LRRC1: variants seen among roughly 807,000 people sequenced by gnomAD.
The protein encoded by LRRC1 is leucine rich repeat containing 1.
Under a neutral mutation model 69.9 loss-of-function variants are expected in LRRC1, and 28 were observed. That is an observed-to-expected ratio of 0.40 (90% confidence interval 0.30 to 0.55). The LOEUF (loss-of-function observed/expected upper bound fraction) is 0.55, where lower values mean the gene tolerates loss of function less well. Ranked by LOEUF, LRRC1 falls within the 20% of genes least tolerant of loss-of-function variation. The pLI, the probability that LRRC1 is intolerant of heterozygous loss-of-function variation, is 0.47. For synonymous variants in LRRC1, 236 were observed against 240.2 expected, an observed-to-expected ratio of 0.98 and a Z score of 0.16; for missense variants, 498 against 609.0, an observed-to-expected ratio of 0.82 and a Z score of 1.92.
At chr6:53,829,150 T>G (rs2127411721) in intron 1 of LRRC1, among the ~76,000 whole-genome samples, 1 of 152,310 alleles carries the variant, frequency 6.6e-6, no homozygotes, top group Non-Finnish European at 1.5e-5. Context: ...CCTTGCTCTT[T>G]ATAGTAGACA....
At chr6:53,913,732 G>A (rs935518144) in intron 10 of LRRC1, 122 bp from the exon 11 acceptor site, 12 of 496,348 alleles carry the variant, frequency 2.4e-5, no homozygotes, top group South Asian at 1.5e-4. Context: ...CAGTGAGACC[G>A]GTGAGTTATG....
intron 4 of LRRC1, chr6:53,884,002 G>A (rs1278856427): frequency 9.8e-6 from 7 of 717,766 alleles, no homozygotes; most frequent in Non-Finnish European, 1.8e-5. Flanking sequence ...GTGTTTTTCT[G>A]AAATGTACAC....
In LRRC1 at chr6:53,904,434, G is replaced by C; in HGVS notation, c.962G>C (p.Arg321Thr). The change falls in exon 10 of 14, where the codon AGA (arginine) becomes ACA (threonine). Residue 321 changes from arginine (R) to threonine (T), a missense_variant. Coordinates refer to ENST00000370888, the MANE Select transcript of LRRC1 (RefSeq NM_018214.5). ...AAGTTGAGCAACTTGAATGCAGACA[G>C]AAATAAATTAGTGTCCTTACCAAAA... Reference protein sequence around the residue: ...LKKLSNLNADRNKLVSLPKEI... With the variant: ...LKKLSNLNADTNKLVSLPKEI... The C allele has an allele frequency of 6.2e-7, 1 of 1,611,488 alleles. No homozygotes were observed. Among genetic ancestry groups the C allele is most frequent in the Non-Finnish European group, 8.5e-7 (1 of 1,178,528 alleles).
Position 53,795,019 on chromosome 6 carries a change from G to T in LRRC1, c.-238G>T. The T allele has an allele frequency of 2.7e-6, 1 of 368,330 alleles. No individual in the cohort carries two copies. Among genetic ancestry groups the T allele is most frequent in the Non-Finnish European group, 4.9e-6 (1 of 206,086 alleles). The allele number at this position is 368,330 out of a possible 1,614,324, so 22.8% of individuals were successfully genotyped here. Reference sequence around the variant, plus strand: ...GCGGCGGGGGCGGCGACGGCGACTGGCGGGTGGGAGTGGAGGCACCGGCTG... The same window carrying T: ...GCGGCGGGGGCGGCGACGGCGACTGTCGGGTGGGAGTGGAGGCACCGGCTG... On this transcript the variant is annotated 5_prime_UTR_variant, in exon 1 of 14. Transcript: ENST00000370888.
intron 4 of LRRC1, among the ~76,000 whole-genome samples, chr6:53,886,771 A>T (rs1247170002): frequency 1.3e-5 from 2 of 152,170 alleles, no homozygotes; most frequent in Non-Finnish European, 2.9e-5. Context: ...TTCCCCAATG[A>T]TTGACAGGTG....
At chr6:53,810,463 A>G (rs1764758928) in intron 1 of LRRC1, among the ~76,000 whole-genome samples, 1 of 152,140 alleles carries the variant, frequency 6.6e-6, no homozygotes, top group Non-Finnish European at 1.5e-5. Flanking sequence ...TACTAAAAAT[A>G]CAAAAAATTA....
At chr6:53,914,578 G>A (rs530117721) in intron 11 of LRRC1, among the ~76,000 whole-genome samples, 1 of 152,324 alleles carries the variant, frequency 6.6e-6, no homozygotes, top group East Asian at 1.9e-4. Flanking sequence ...CAGAGGTCAT[G>A]TTGGACTGAG....
At chr6:53,819,815 AGC>A (rs1765062815) in intron 1 of LRRC1, among the ~76,000 whole-genome samples, 1 of 152,216 alleles carries the variant, frequency 6.6e-6, no homozygotes. Flanking sequence ...GAGATTTATT[AGC>A]CAGGGCAGAT....
At chr6:53,800,828 C>T (rs1364420800) in intron 1 of LRRC1, among the ~76,000 whole-genome samples, 2 of 151,862 alleles carry the variant, frequency 1.3e-5, no homozygotes, top group Admixed American at 6.6e-5. Context: ...TTAGTAGAGA[C>T]GGGGTTTCAC....
intron 12 of LRRC1, 133 bp from the exon 13 acceptor site, chr6:53,920,492 G>A (rs1768704136): frequency 1.1e-6 from 1 of 876,980 alleles, no homozygotes; most frequent in East Asian, 2.6e-5. Flanking sequence ...ACTTGCAACA[G>A]AACACCCCCC....
intron 4 of LRRC1, among the ~76,000 whole-genome samples, chr6:53,885,797 A>G (rs1170820080): frequency 1.3e-5 from 2 of 152,184 alleles, no homozygotes; most frequent in Admixed American, 6.5e-5. Context: ...GCACCTGGAC[A>G]CATCTCTCCC....
intron 2 of LRRC1, among the ~76,000 whole-genome samples, chr6:53,857,185 C>T (rs1260297275): frequency 6.6e-6 from 1 of 151,958 alleles, no homozygotes; most frequent in East Asian, 1.9e-4. Flanking sequence ...ATGGTTCAAG[C>T]CACAGGTAGG....
chr6:53,870,855 T>G (rs955456450), intron 2 of LRRC1, among the ~76,000 whole-genome samples: 2 of 152,180 alleles, frequency 1.3e-5, no homozygotes, highest in Admixed American at 1.3e-4. Flanking sequence ...GAGATCAACT[T>G]CTTTAGGTTA....
In LRRC1 at chr6:53,912,841, G is replaced by C. The variant is rs1359539977; in HGVS notation, c.991-1013G>C. Reference sequence around the variant, plus strand: ...CTGGAGTAGTATTTTTCCATGTGTTGGAGAGACATCAATAGGTTCCTTCAT... The same window carrying C: ...CTGGAGTAGTATTTTTCCATGTGTTCGAGAGACATCAATAGGTTCCTTCAT... On this transcript the variant is annotated intron_variant, in intron 10 of 13. Coordinates refer to ENST00000370888, the MANE Select transcript of LRRC1 (RefSeq NM_018214.5). 2.0e-5 allele frequency among the ~76,000 whole-genome samples: 3 copies of C among 152,260 alleles called. No homozygotes were observed. In the East Asian group the frequency reaches 5.8e-4, roughly 29 times the overall value.
intron 10 of LRRC1, among the ~76,000 whole-genome samples, chr6:53,908,109 G>T (rs952799450): frequency 6.6e-6 from 1 of 152,154 alleles, no homozygotes; most frequent in South Asian, 2.1e-4. Flanking sequence ...AACATATTGT[G>T]CAGTAGTATG....
intron 1 of LRRC1, among the ~76,000 whole-genome samples, chr6:53,816,215 T>C (rs538955431): frequency 6.6e-6 from 1 of 152,356 alleles, no homozygotes; most frequent in East Asian, 1.9e-4. Context: ...TTTTAGTTTA[T>C]AAATTATAGT....
intron 7 of LRRC1, among the ~76,000 whole-genome samples, 197 bp from the exon 8 acceptor site, chr6:53,899,550 G>C (rs998247976): frequency 6.6e-6 from 1 of 152,148 alleles, no homozygotes; most frequent in African/African-American, 2.4e-5. Flanking sequence ...CCAGCTCTGG[G>C]TCTGTGATTC....
rs1229860445 is a variant in LRRC1 at position 53,833,364 on chromosome 6, C to G, written c.160-8746C>G. 2.6e-5 allele frequency among the ~76,000 whole-genome samples: 4 copies of G among 152,134 alleles called. No homozygotes were observed. In the East Asian group the frequency reaches 7.7e-4, roughly 29 times the overall value. On this transcript the variant is annotated intron_variant, in intron 1 of 13. Coordinates refer to ENST00000370888, the MANE Select transcript of LRRC1 (RefSeq NM_018214.5). The stretch of plus-strand genomic sequence containing the variant: ...AGCTATTTTAATTATGGGGGGCAAC[C>G]TTGGGGCATTTATATCTTTGTTTAG...
At chr6:53,867,075 C>G (rs967320751) in intron 2 of LRRC1, among the ~76,000 whole-genome samples, 1 of 152,034 alleles carries the variant, frequency 6.6e-6, no homozygotes, top group African/African-American at 2.4e-5. Flanking sequence ...TGGCATAGGG[C>G]CAAATCCTGG....
Sources: gnomAD v4.1 joint callset for allele counts (sites outside exome capture counted in the v4.1 genomes callset) on GRCh38, gnomAD v4.1.1 for gene constraint, MANE v1.5 for transcripts, NCBI Gene and HGNC (gene_info 2026-07-23, HGNC 2026-07-21) for gene names.